The following FOXP2 variants were observed in gnomAD, a reference collection of about 807,000 sequenced individuals.
FOXP2 encodes forkhead box P2.
A neutral mutation model predicts 115.8 loss-of-function variants in FOXP2; 12 were observed. The ratio of observed to expected loss-of-function variants is 0.10; its 90% CI spans 0.07 to 0.17. The LOEUF (loss-of-function observed/expected upper bound fraction) is 0.17, where lower values mean the gene tolerates loss of function less well. Ranked by LOEUF, FOXP2 falls within the 10% of genes least tolerant of loss-of-function variation. FOXP2 has a pLI of 1.00. For missense variants in FOXP2, 629 were observed against 843.5 expected (o/e 0.75, Z 3.15); for synonymous variants, 328 against 297.7 (o/e 1.10, Z -1.05).
chr7:114,603,706 T>A (rs1431411173), intron 3 of FOXP2, among the ~76,000 whole-genome samples: 1 of 152,230 alleles, frequency 6.6e-6, no homozygotes, highest in Admixed American at 6.5e-5. Flanking sequence ...GCATATTTTA[T>A]AATAGAAGAC....
intron 1 of FOXP2, among the ~76,000 whole-genome samples, chr7:114,248,469 G>GA (rs888532290): frequency 1.3e-5 from 2 of 152,036 alleles, no homozygotes; most frequent in Admixed American, 6.6e-5. Flanking sequence ...ATTTAAAATG[G>GA]AAAAAAACTC....
intron 2 of FOXP2, among the ~76,000 whole-genome samples, chr7:114,369,183 G>A (rs1333493951): frequency 6.6e-6 from 1 of 152,174 alleles, no homozygotes; most frequent in Admixed American, 6.5e-5. Flanking sequence ...GCAGGAAACT[G>A]CAAAGCTCTT....
At chr7:114,247,164 G>C (rs1649146848) in intron 1 of FOXP2, among the ~76,000 whole-genome samples, 1 of 152,186 alleles carries the variant, frequency 6.6e-6, no homozygotes, top group Non-Finnish European at 1.5e-5. Context: ...TTTAGACATA[G>C]TATTCTCCTA....
chr7:114,091,819 C>T (rs533694984), intron 1 of FOXP2, among the ~76,000 whole-genome samples: 2 of 151,966 alleles, frequency 1.3e-5, no homozygotes, highest in East Asian at 1.9e-4. Context: ...ACATTTTCTC[C>T]GTAAATCATC....
intron 1 of FOXP2, among the ~76,000 whole-genome samples, chr7:114,225,227 G>A (rs536310939): frequency 6.6e-6 from 1 of 152,164 alleles, no homozygotes; most frequent in Non-Finnish European, 1.5e-5. Flanking sequence ...CATAGTGTGT[G>A]TGATTGGAAA....
chr7:114,209,585 TC>T (rs1224175658), intron 1 of FOXP2, among the ~76,000 whole-genome samples: 1 of 152,232 alleles, frequency 6.6e-6, no homozygotes, highest in Non-Finnish European at 1.5e-5. Flanking sequence ...TAACATTTTT[TC>T]TTTCCTTTTG....
At chr7:114,457,276 G>C (rs1584758663) in intron 2 of FOXP2, among the ~76,000 whole-genome samples, 1 of 151,926 alleles carries the variant, frequency 6.6e-6, no homozygotes, top group Non-Finnish European at 1.5e-5. Context: ...TTCATCTTAA[G>C]TATATACCAG....
chr7:114,645,443 A>G (rs1387993835), intron 8 of FOXP2: 2 of 151,888 alleles, frequency 1.3e-5, no homozygotes, highest in Admixed American at 6.6e-5. Context: ...TTAATTTTTA[A>G]TAGAAAATTT....
At chr7:114,424,688 A>AT (rs771084553) in intron 1 of FOXP2, among the ~76,000 whole-genome samples, 9 of 151,166 alleles carry the variant, frequency 6.0e-5, no homozygotes, top group Admixed American at 3.3e-4. Flanking sequence ...AATTTATATG[A>AT]TTTTTTCTTT....
intron 3 of FOXP2, among the ~76,000 whole-genome samples, chr7:114,562,406 G>A (rs60540213): frequency 0.081 from 12,309 of 152,062 alleles, 1,039 homozygotes; most frequent in East Asian, 0.23. Flanking sequence ...AGTCACACCT[G>A]TTTCCCTGTT....
intron 2 of FOXP2, among the ~76,000 whole-genome samples, chr7:114,521,361 A>G (rs1798614304): frequency 6.6e-6 from 1 of 151,774 alleles, no homozygotes; most frequent in African/African-American, 2.4e-5. Flanking sequence ...TGAGACCCCA[A>G]CTCTACCAAA....
chr7:114,298,888 C>G (rs2129177951), intron 2 of FOXP2, among the ~76,000 whole-genome samples: 1 of 152,230 alleles, frequency 6.6e-6, no homozygotes, highest in East Asian at 1.9e-4. Flanking sequence ...AAATAAGTCA[C>G]TTTACTTTCA....
chr7:114,510,830 A>G (rs1021341419), intron 2 of FOXP2, among the ~76,000 whole-genome samples: 1 of 152,164 alleles, frequency 6.6e-6, no homozygotes, highest in African/African-American at 2.4e-5. Context: ...CAGAAATACC[A>G]TCTGACCCAG....
At chr7:114,523,567 G>C (rs1798724157) in intron 2 of FOXP2, among the ~76,000 whole-genome samples, 1 of 152,142 alleles carries the variant, frequency 6.6e-6, no homozygotes, top group African/African-American at 2.4e-5. Context: ...CATCATTTCT[G>C]AAAGGAAGGT....
intron 5 of FOXP2, chr7:114,630,727 C>T (rs910075452): frequency 3.3e-5 from 5 of 153,474 alleles, no homozygotes; most frequent in African/African-American, 1.2e-4. Context: ...AGACAGCCAT[C>T]AACTACAGAA....
rs188630334 is a variant in FOXP2 at position 114,682,180 on chromosome 7, A to G, written c.2004-7602A>G. The stretch of plus-strand genomic sequence containing the variant: ...TTAAGTAGCTTTTCCAAGGTTGCAT[A>G]GCTAGGAAGTAAAGGAGCCAGGCTT... On this transcript the variant is annotated intron_variant, in intron 16 of 16. Transcript: ENST00000350908. Among the ~76,000 whole-genome samples, 3 of 152,284 alleles carry G rather than the reference A, an allele frequency of 2.0e-5. No individual in the cohort carries two copies. The East Asian group carries it at 5.8e-4, about 29-fold the overall frequency.
At chr7:114,139,444 G>A (rs1020623289) in intron 1 of FOXP2, among the ~76,000 whole-genome samples, 2 of 152,044 alleles carry the variant, frequency 1.3e-5, no homozygotes, top group African/African-American at 2.4e-5. Flanking sequence ...TACATTACAT[G>A]AGGTTGGAAA....
intron 3 of FOXP2, among the ~76,000 whole-genome samples, chr7:114,541,517 A>G (rs990113101): frequency 6.6e-6 from 1 of 152,072 alleles, no homozygotes; most frequent in Admixed American, 6.6e-5. Flanking sequence ...ATTGCAACAC[A>G]GATACTTTTA....
intron 2 of FOXP2, among the ~76,000 whole-genome samples, chr7:114,515,883 C>A (rs1175639787): frequency 6.6e-6 from 1 of 152,072 alleles, no homozygotes; most frequent in East Asian, 1.9e-4. Flanking sequence ...AGGAGAACTA[C>A]AAACCACTGC....
Sources: gnomAD v4.1 joint callset for allele counts (sites outside exome capture counted in the v4.1 genomes callset) on GRCh38, gnomAD v4.1.1 for gene constraint, MANE v1.5 for transcripts, NCBI Gene and HGNC (gene_info 2026-07-23, HGNC 2026-07-21) for gene names.